ADCY7: variants seen among roughly 807,000 people sequenced by gnomAD.
ADCY7 encodes adenylate cyclase 7.
A neutral mutation model predicts 120.6 loss-of-function variants in ADCY7; 72 were observed. The observed-to-expected ratio is 0.60, with a 90% CI of 0.49 to 0.73. The LOEUF is 0.73. Among genes scored for constraint, ADCY7 ranks in the 30% least tolerant of loss-of-function variants. The pLI, the probability that ADCY7 is intolerant of heterozygous loss-of-function variation, is 0.00. For missense variants in ADCY7, 1,227 were observed against 1,486.0 expected (o/e 0.83, Z 2.87); for synonymous variants, 661 against 628.0 (o/e 1.05, Z -0.78).
At chr16:50,287,803 T>G (rs1374763654) in intron 1 of ADCY7, 109 bp from the exon 2 acceptor site, 2 of 215,308 alleles carry the variant, frequency 9.3e-6, no homozygotes, top group African/African-American at 4.6e-5. Context: ...AGGGTTAAGA[T>G]GGATAAATCA....
At chr16:50,259,356 A>G (rs775177485) in intron 1 of ADCY7, among the ~76,000 whole-genome samples, 1 of 152,222 alleles carries the variant, frequency 6.6e-6, no homozygotes, top group Non-Finnish European at 1.5e-5. Flanking sequence ...CTGCCTGTCC[A>G]TGGGTCACAC....
chr16:50,268,050 C>T (rs1040480289), intron 1 of ADCY7, among the ~76,000 whole-genome samples: 1 of 151,872 alleles, frequency 6.6e-6, no homozygotes, highest in Non-Finnish European at 1.5e-5. Context: ...CAGGTGTGAG[C>T]TTTGTGGAGG....
intron 19 of ADCY7, 80 bp downstream of exon 19, chr16:50,310,960 C>A: frequency 7.1e-7 from 1 of 1,407,592 alleles, no homozygotes; most frequent in South Asian, 1.4e-5. Flanking sequence ...CAAGGGGCTT[C>A]TGTGTTCATG....
In ADCY7 at chr16:50,308,713, T is replaced by C. The variant is rs77709383; in HGVS notation, c.1982T>C (p.Val661Ala). ...RGTLCTISERVETQPLLRLTL... is the reference protein window; with the variant it reads ...RGTLCTISERAETQPLLRLTL... The stretch of plus-strand genomic sequence containing the variant: ...ACGCTCTGCACTATCTCTGAGAGGG[T>C]GGAGACACAGCCCCTGCTGAGGCTG... The change falls in exon 17 of 26, where the codon GTG becomes GCG. Residue 661 changes from valine to alanine, a missense_variant. Physicochemically the swap from Val to Ala is moderately conservative, Grantham distance 64. Coordinates refer to ENST00000673801, the MANE Select transcript of ADCY7 (RefSeq NM_001114.5). 1.1e-5 allele frequency: 18 copies of C among 1,613,474 alleles called. No homozygotes were observed. The highest frequency in any genetic ancestry group is 4.0e-5 in the African/African-American group (3 of 74,886).
intron 1 of ADCY7, among the ~76,000 whole-genome samples, chr16:50,276,594 TATTTA>T (rs1257627103): frequency 1.3e-5 from 2 of 152,210 alleles, no homozygotes; most frequent in African/African-American, 4.8e-5. Context: ...TTTGTTTTAA[TATTTA>T]ATTTATGAAT....
At chr16:50,272,205 G>A (rs1315308997) in intron 1 of ADCY7, among the ~76,000 whole-genome samples, 1 of 152,128 alleles carries the variant, frequency 6.6e-6, no homozygotes, top group Non-Finnish European at 1.5e-5. Flanking sequence ...CATGTCCCTG[G>A]AAGGCAGAAG....
Position 50,317,138 on chromosome 16 carries a change from G to GTATTC in ADCY7, c.*1636_*1640dup, listed in dbSNP as rs2036838642. 6.5e-6 allele frequency: 1 copy of GTATTC among 152,788 alleles called. No individual in the cohort carries two copies. Among genetic ancestry groups the GTATTC allele is most frequent in the Admixed American group, 6.5e-5 (1 of 15,288 alleles). The allele number at this position is 152,788 out of a possible 1,614,324, so 9.5% of individuals were successfully genotyped here. ...TTTATCAGCCCGAGGAAGGGCAGGT[G>GTATTC]TATTCTAATTTGCACAAAGGTGCTG... On this transcript the variant is annotated 3_prime_UTR_variant, in exon 26 of 26. Coordinates refer to ENST00000673801, the MANE Select transcript of ADCY7 (RefSeq NM_001114.5).
chr16:50,308,228 T>C, intron 15 of ADCY7, 99 bp from the exon 16 acceptor site: 1 of 1,551,338 alleles, frequency 6.4e-7, no homozygotes. Context: ...GAATACCAGG[T>C]AGGGTGGGGA....
chr16:50,260,621 G>A (rs959776540), intron 1 of ADCY7, among the ~76,000 whole-genome samples: 8 of 152,208 alleles, frequency 5.3e-5, no homozygotes, highest in African/African-American at 1.9e-4. Context: ...TTCTGGCTGG[G>A]GTTCTCTGAT....
chr16:50,264,699 G>T (rs951032339), upstream of ADCY7, among the ~76,000 whole-genome samples: 4 of 152,100 alleles, frequency 2.6e-5, no homozygotes, highest in African/African-American at 9.7e-5. Context: ...TTTGCTGGTG[G>T]CTAATGATGT....
chr16:50,288,432 A>G (rs2150947164), intron 2 of ADCY7, 82 bp downstream of exon 2: 1 of 1,335,072 alleles, frequency 7.5e-7, no homozygotes, highest in South Asian at 1.5e-5. Context: ...TCTTCTGTAA[A>G]ATGCTTATCT....
chr16:50,296,550 G>C (rs2035366962), intron 7 of ADCY7, among the ~76,000 whole-genome samples: 2 of 151,954 alleles, frequency 1.3e-5, no homozygotes, highest in South Asian at 4.2e-4. Context: ...TAGAGACGGG[G>C]TTTCACCATG....
At chr16:50,315,256 C>T in intron 25 of ADCY7, 103 bp from the exon 26 acceptor site, 2 of 1,567,254 alleles carry the variant, frequency 1.3e-6, no homozygotes, top group South Asian at 1.2e-5. Flanking sequence ...CTATCACACT[C>T]TCCAGGGAAG....
chr16:50,314,197 A>T, intron 23 of ADCY7, 95 bp from the exon 24 acceptor site: 1 of 1,416,562 alleles, frequency 7.1e-7, no homozygotes, highest in Non-Finnish European at 9.9e-7. Flanking sequence ...CCAGGATTTT[A>T]GTGGTGGGGA....
Position 50,301,233 on chromosome 16 carries a change from C to T in ADCY7, c.1368+19C>T, listed in dbSNP as rs369113457. The T allele has an allele frequency of 1.2e-4, 191 of 1,554,258 alleles. No individual in the cohort carries two copies. The highest frequency in any genetic ancestry group is 2.3e-4 in the Admixed American group (12 of 51,460). On this transcript the variant is annotated intron_variant, in intron 10 of 25. Coordinates refer to ENST00000673801, the MANE Select transcript of ADCY7 (RefSeq NM_001114.5). ...CCCCCGGGTACGAGGGCTCAGAGGC[C>T]GCAGCTGGGGGGGACCCGGAGGGAC... is the stretch of plus-strand genomic sequence containing the variant.
upstream of ADCY7, among the ~76,000 whole-genome samples, chr16:50,262,662 G>A (rs1363020862): frequency 1.3e-5 from 2 of 152,118 alleles, no homozygotes; most frequent in African/African-American, 2.4e-5. Flanking sequence ...TGCCTTTGAT[G>A]GGCACCTCTT....
At chr16:50,302,284 G>A (rs1361891606) in intron 10 of ADCY7, among the ~76,000 whole-genome samples, 1 of 152,212 alleles carries the variant, frequency 6.6e-6, no homozygotes, top group Non-Finnish European at 1.5e-5. Context: ...GCCATGCCGG[G>A]GGGCTCCTCC....
intron 1 of ADCY7, among the ~76,000 whole-genome samples, chr16:50,256,056 G>A (rs372798721): frequency 3.9e-5 from 6 of 152,262 alleles, no homozygotes; most frequent in African/African-American, 1.2e-4. Context: ...AAAATCTCAT[G>A]CAACAAAAGC....
intron 1 of ADCY7, among the ~76,000 whole-genome samples, chr16:50,246,682 G>T (rs1387915397): frequency 2.6e-5 from 4 of 152,222 alleles, no homozygotes; most frequent in Admixed American, 2.0e-4. Flanking sequence ...CCAGCAGCGA[G>T]CAGGACCCCT....
Sources: gnomAD v4.1 joint callset for allele counts (sites outside exome capture counted in the v4.1 genomes callset) on GRCh38, gnomAD v4.1.1 for gene constraint, MANE v1.5 for transcripts, NCBI Gene and HGNC (gene_info 2026-07-23, HGNC 2026-07-21) for gene names.